VMP1: variants seen among roughly 807,000 people sequenced by gnomAD.
VMP1 encodes the protein ectopic P-granules autophagy protein 3 homolog.
VMP1 carries 11 observed loss-of-function variants against 56.0 expected under a neutral mutation model. The ratio of observed to expected loss-of-function variants is 0.20; its 90% CI spans 0.12 to 0.32. The LOEUF (loss-of-function observed/expected upper bound fraction) is 0.32. Among genes scored for constraint, VMP1 ranks in the 10% least tolerant of loss-of-function variants. The probability of loss-of-function intolerance (pLI) is 1.00; values close to 1 mark genes in which losing one functional copy is unlikely to be tolerated. For missense variants in VMP1, 296 were observed against 490.3 expected, an observed-to-expected ratio of 0.60 and a Z score of 3.74; for synonymous variants, 149 against 165.0, an observed-to-expected ratio of 0.90 and a Z score of 0.74.
At chr17:59,770,392 ATTG>A (rs1441641059) in intron 6 of VMP1, among the ~76,000 whole-genome samples, 8 of 152,146 alleles carry the variant, frequency 5.3e-5, no homozygotes, top group African/African-American at 1.9e-4. Context: ...AATAGTTTAT[ATTG>A]TTGTATCTAT....
intron 10 of VMP1, among the ~76,000 whole-genome samples, chr17:59,820,858 G>T (rs557726414): frequency 2.6e-5 from 4 of 152,090 alleles, no homozygotes; most frequent in Non-Finnish European, 5.9e-5. Context: ...TTCTATTTCC[G>T]CAGGCTTTAG....
chr17:59,807,603 C>T (rs1258890689), intron 7 of VMP1, among the ~76,000 whole-genome samples: 3 of 151,836 alleles, frequency 2.0e-5, no homozygotes, highest in Non-Finnish European at 4.4e-5. Flanking sequence ...GAGGCCGAGG[C>T]GAGCTGATCA....
intron 1 of VMP1, among the ~76,000 whole-genome samples, chr17:59,727,279 C>T (rs950759816): frequency 2.0e-5 from 3 of 151,922 alleles, no homozygotes; most frequent in East Asian, 3.9e-4. Context: ...GGACTATAGG[C>T]GCCCGCCACC....
intron 5 of VMP1, among the ~76,000 whole-genome samples, chr17:59,750,221 A>G (rs919685732): frequency 6.6e-6 from 1 of 152,128 alleles, no homozygotes; most frequent in Non-Finnish European, 1.5e-5. Context: ...AAGTGCATGT[A>G]CTTCTTGCTG....
At chr17:59,743,226 A>C (rs972631384) in intron 5 of VMP1, among the ~76,000 whole-genome samples, 31 of 152,154 alleles carry the variant, frequency 2.0e-4, no homozygotes, top group African/African-American at 7.5e-4. Context: ...TCACTGTCTT[A>C]AAAATGCCCT....
chr17:59,801,290 G>C (rs970041240), intron 7 of VMP1, among the ~76,000 whole-genome samples: 1 of 151,706 alleles, frequency 6.6e-6, no homozygotes, highest in African/African-American at 2.4e-5. Context: ...CTGTTGCCCA[G>C]GCTGGAGTGC....
At chr17:59,769,411 A>G (rs1420149089) in intron 6 of VMP1, among the ~76,000 whole-genome samples, 3 of 152,022 alleles carry the variant, frequency 2.0e-5, no homozygotes, top group Non-Finnish European at 4.4e-5. Flanking sequence ...TTAAACTTAC[A>G]TTTCTTAATA....
At chr17:59,824,973 G>T (rs2038594618) in intron 10 of VMP1, among the ~76,000 whole-genome samples, 1 of 151,720 alleles carries the variant, frequency 6.6e-6, no homozygotes, top group Non-Finnish European at 1.5e-5. Context: ...GAATTCTCAG[G>T]AATTTGAGTC....
In VMP1 at chr17:59,841,008, A is replaced by G. The variant is rs1327753009; in HGVS notation, c.*1097A>G. The G allele has an allele frequency of 5.6e-6, 1 of 179,856 alleles. No homozygotes were observed. The highest frequency in any genetic ancestry group is 1.2e-5 in the Non-Finnish European group (1 of 82,276). 11.1% of individuals were successfully genotyped at this position (179,856 alleles called of 1,614,324 possible). ...CTGTAAGTGTTTTATTCTTAGTGTGATTTTTTTCCATTGGGATGTTTTTGA... is the reference window on the plus strand; with the variant it reads ...CTGTAAGTGTTTTATTCTTAGTGTGGTTTTTTTCCATTGGGATGTTTTTGA... On this transcript the variant is annotated 3_prime_UTR_variant, in exon 12 of 12. Transcript: ENST00000262291.
chr17:59,738,042 G>A (rs2035081603), intron 4 of VMP1, among the ~76,000 whole-genome samples: 1 of 152,098 alleles, frequency 6.6e-6, no homozygotes, highest in African/African-American at 2.4e-5. Flanking sequence ...AAAATGCTGG[G>A]ATTACAGGCC....
At chr17:59,734,611 T>A (rs1026728875) in intron 2 of VMP1, among the ~76,000 whole-genome samples, 3 of 152,116 alleles carry the variant, frequency 2.0e-5, no homozygotes, top group African/African-American at 7.2e-5. Flanking sequence ...TACACACCTG[T>A]AGTCCTAGCT....
chr17:59,802,653 C>T (rs1252737048), intron 7 of VMP1, among the ~76,000 whole-genome samples: 1 of 152,190 alleles, frequency 6.6e-6, no homozygotes, highest in Non-Finnish European at 1.5e-5. Flanking sequence ...GCAACCTCCG[C>T]CTCCCGGGTT....
intron 5 of VMP1, among the ~76,000 whole-genome samples, chr17:59,760,151 G>T (rs2035998458): frequency 6.6e-6 from 1 of 150,922 alleles, no homozygotes; most frequent in African/African-American, 2.4e-5. Flanking sequence ...AAAAATTAGT[G>T]GTTGTCCTAA....
intron 7 of VMP1, among the ~76,000 whole-genome samples, chr17:59,805,661 CAA>C (rs760953371): frequency 2.6e-4 from 26 of 101,270 alleles, no homozygotes; most frequent in Non-Finnish European, 2.4e-4. Context: ...AAAATAAAAG[CAA>C]AAAAAAAAAA....
At chr17:59,783,959 C>G (rs77562160) in intron 7 of VMP1, among the ~76,000 whole-genome samples, 81 of 152,302 alleles carry the variant, frequency 5.3e-4, no homozygotes, top group African/African-American at 1.9e-3. Context: ...AGAGTGAAAT[C>G]TAAACTATTT....
chr17:59,737,690 G>A (rs1351459889), intron 4 of VMP1, 147 bp downstream of exon 4: 6 of 611,510 alleles, frequency 9.8e-6, no homozygotes, highest in Non-Finnish European at 1.6e-5. Flanking sequence ...ACTTTTAAAG[G>A]CATACACTAA....
chr17:59,761,362 T>C (rs546096306), intron 5 of VMP1, among the ~76,000 whole-genome samples: 44 of 152,352 alleles, frequency 2.9e-4, no homozygotes, highest in African/African-American at 1.0e-3. Context: ...TAATATTATA[T>C]TGAGTGCTAG....
chr17:59,742,636 C>A (rs1598323264), intron 5 of VMP1, among the ~76,000 whole-genome samples: 1 of 151,918 alleles, frequency 6.6e-6, no homozygotes, highest in South Asian at 2.1e-4. Flanking sequence ...ACCAGGGGTC[C>A]CTAATCCCCA....
intron 5 of VMP1, among the ~76,000 whole-genome samples, chr17:59,742,931 C>G (rs1006435158): frequency 6.6e-6 from 1 of 152,106 alleles, no homozygotes; most frequent in Non-Finnish European, 1.5e-5. Flanking sequence ...ATCCCAAAAC[C>G]ATCCCCCACC....
Sources: allele counts gnomAD v4.1 joint callset (sites outside exome capture counted in the v4.1 genomes callset), GRCh38; gene constraint gnomAD v4.1.1; transcripts MANE v1.5; gene names NCBI Gene and HGNC (gene_info 2026-07-23, HGNC 2026-07-21).